Variants in THEMIS observed in about 807,000 individuals in gnomAD.
THEMIS encodes thymocyte selection associated.
In THEMIS, 37 loss-of-function variants were observed where a neutral mutation model predicts 52.6. That is an observed-to-expected ratio of 0.70 (90% confidence interval 0.54 to 0.93). The LOEUF (loss-of-function observed/expected upper bound fraction) is 0.93. THEMIS is among the 40% of genes least tolerant of loss of function. THEMIS has a pLI of 0.00. For missense variants in THEMIS, 808 were observed against 763.1 expected (o/e 1.06, Z -0.69); for synonymous variants, 292 against 272.7 (o/e 1.07, Z -0.70).
intron 4 of THEMIS, among the ~76,000 whole-genome samples, chr6:127,776,483 A>C (rs1434439224): frequency 2.0e-5 from 3 of 152,254 alleles, no homozygotes; most frequent in Non-Finnish European, 4.4e-5. Flanking sequence ...GACCTGGATC[A>C]GAGCATCTGG....
intron 1 of THEMIS, among the ~76,000 whole-genome samples, chr6:127,868,692 G>C (rs1183048150): frequency 6.6e-6 from 1 of 152,112 alleles, no homozygotes; most frequent in Non-Finnish European, 1.5e-5. Flanking sequence ...AATTTAAAGG[G>C]TTGAGAGGAA....
chr6:127,842,245 T>C (rs981476287), intron 2 of THEMIS, among the ~76,000 whole-genome samples: 2 of 152,034 alleles, frequency 1.3e-5, no homozygotes, highest in South Asian at 2.1e-4. Flanking sequence ...ATCATTTCAA[T>C]AGTAGATGAA....
intron 4 of THEMIS, among the ~76,000 whole-genome samples, chr6:127,723,588 C>T (rs747365983): frequency 6.6e-6 from 1 of 151,988 alleles, no homozygotes; most frequent in Non-Finnish European, 1.5e-5. Flanking sequence ...GAGGCAGGAG[C>T]TTGCATGCCT....
At chr6:127,740,409 TA>T (rs151161612) in intron 4 of THEMIS, among the ~76,000 whole-genome samples, 1 of 149,904 alleles carries the variant, frequency 6.7e-6, no homozygotes, top group African/African-American at 2.5e-5. Context: ...TAAATGTTGC[TA>T]AAAAAAACTT....
At chr6:127,837,939 TG>T (rs1778925674) in intron 2 of THEMIS, among the ~76,000 whole-genome samples, 1 of 152,122 alleles carries the variant, frequency 6.6e-6, no homozygotes, top group Admixed American at 6.6e-5. Flanking sequence ...GATTCCTCAC[TG>T]TTGGGCATTT....
intron 4 of THEMIS, among the ~76,000 whole-genome samples, chr6:127,783,269 C>T (rs1776810417): frequency 6.6e-6 from 1 of 152,122 alleles, no homozygotes; most frequent in African/African-American, 2.4e-5. Context: ...AATATTAGAC[C>T]TAAAACCTTA....
intron 1 of THEMIS, among the ~76,000 whole-genome samples, chr6:127,890,416 T>C (rs775955099): frequency 6.6e-6 from 1 of 152,164 alleles, no homozygotes; most frequent in Non-Finnish European, 1.5e-5. Context: ...AGAATGGTGG[T>C]TACCAGAGGC....
intron 2 of THEMIS, among the ~76,000 whole-genome samples, chr6:127,853,032 T>C (rs1352197151): frequency 6.6e-6 from 1 of 151,596 alleles, no homozygotes; most frequent in Non-Finnish European, 1.5e-5. Flanking sequence ...ATAAGAAAAA[T>C]TCCTTCTACC....
At chr6:127,914,565 C>T (rs1234505614) in intron 1 of THEMIS, among the ~76,000 whole-genome samples, 1 of 152,158 alleles carries the variant, frequency 6.6e-6, no homozygotes, top group East Asian at 1.9e-4. Flanking sequence ...TAGCATGTTA[C>T]TGTCTGAATG....
At chr6:127,895,698 TTAC>T (rs1780944523) in intron 1 of THEMIS, among the ~76,000 whole-genome samples, 2 of 151,458 alleles carry the variant, frequency 1.3e-5, no homozygotes, top group African/African-American at 4.8e-5. Context: ...TAAAAAGACT[TTAC>T]TATTAAAAAA....
chr6:127,898,119 G>T (rs1781027789), intron 1 of THEMIS, among the ~76,000 whole-genome samples: 1 of 151,694 alleles, frequency 6.6e-6, no homozygotes, highest in African/African-American at 2.4e-5. Flanking sequence ...TAATGACTGA[G>T]AAAGAGCACA....
Position 127,813,496 on chromosome 6 carries a change from G to T in THEMIS, c.1145C>A (p.Ser382Tyr). 1 of 1,614,028 alleles carries T rather than the reference G, an allele frequency of 6.2e-7. No individual in the cohort carries two copies. Among genetic ancestry groups the T allele is most frequent in the South Asian group, 1.1e-5 (1 of 91,056 alleles). Residue 382 changes from serine to tyrosine, a missense_variant, in exon 4 of 6, where the codon TCC becomes TAC. Ser to Tyr is a moderately radical substitution (Grantham distance 144). Transcript: ENST00000368248. ...AFHSPHDKLS[S>Y]VSVGDQFLVH... ...CAGAAACTGGTCCCCAACAGATACG[G>T]ATGACAGCTTGTCATGAGGGGAATG...
chr6:127,703,990 G>A (rs2114433336), downstream of THEMIS, among the ~76,000 whole-genome samples: 1 of 152,270 alleles, frequency 6.6e-6, no homozygotes, highest in Admixed American at 6.5e-5. Context: ...TTACATGGCA[G>A]GAGGGAGCAA....
intron 3 of THEMIS, among the ~76,000 whole-genome samples, chr6:127,826,993 A>G (rs577312901): frequency 6.6e-6 from 1 of 152,178 alleles, no homozygotes; most frequent in African/African-American, 2.4e-5. Flanking sequence ...TAGTAATAGG[A>G]GTAGAATATC....
At chr6:127,727,444 G>C (rs1053588338) in intron 4 of THEMIS, among the ~76,000 whole-genome samples, 1 of 152,186 alleles carries the variant, frequency 6.6e-6, no homozygotes, top group Non-Finnish European at 1.5e-5. Context: ...GTGTCCAGCA[G>C]GGCGACAGTT....
intron 4 of THEMIS, among the ~76,000 whole-genome samples, chr6:127,802,980 T>TATGTTAGA (rs1777585919): frequency 6.6e-6 from 1 of 152,348 alleles, no homozygotes; most frequent in Admixed American, 6.5e-5. Context: ...TTCTGATGCT[T>TATGTTAGA]ATGTTAGAAA....
chr6:127,817,488 A>G (rs956585037), intron 3 of THEMIS, among the ~76,000 whole-genome samples: 3 of 152,202 alleles, frequency 2.0e-5, no homozygotes, highest in African/African-American at 4.8e-5. Flanking sequence ...TCAACATAAT[A>G]GAGAGATCAA....
intron 3 of THEMIS, among the ~76,000 whole-genome samples, chr6:127,816,847 C>T (rs1012235557): frequency 5.3e-5 from 8 of 152,176 alleles, no homozygotes; most frequent in Admixed American, 2.0e-4. Flanking sequence ...TCTAACTCCC[C>T]GCTGTCTCCC....
chr6:127,913,884 G>C (rs1308158673), intron 1 of THEMIS, among the ~76,000 whole-genome samples: 1 of 152,136 alleles, frequency 6.6e-6, no homozygotes, highest in African/African-American at 2.4e-5. Context: ...AGAAAATATT[G>C]CTCCTAAACT....
Sources: allele counts gnomAD v4.1 joint callset (sites outside exome capture counted in the v4.1 genomes callset), GRCh38; gene constraint gnomAD v4.1.1; transcripts MANE v1.5; gene names NCBI Gene and HGNC (gene_info 2026-07-23, HGNC 2026-07-21).